NCOR2: variants seen among roughly 807,000 people sequenced by gnomAD.
NCOR2 encodes CTG repeat protein 26.
In NCOR2, 81 loss-of-function variants were observed where a neutral mutation model predicts 262.9. The observed-to-expected ratio is 0.31, with a 90% CI of 0.26 to 0.37. NCOR2 has a LOEUF of 0.37. Ranked by LOEUF, NCOR2 falls within the 10% of genes least tolerant of loss-of-function variation. NCOR2 has a pLI of 1.00. For missense variants in NCOR2, 3,385 were observed against 3,621.4 expected (o/e 0.93, Z 1.68); for synonymous variants, 1,659 against 1,559.3 (o/e 1.06, Z -1.51).
chr12:124,388,419 A>G (rs1279973007), intron 16 of NCOR2, among the ~76,000 whole-genome samples: 2 of 152,040 alleles, frequency 1.3e-5, no homozygotes, highest in Admixed American at 1.3e-4. Flanking sequence ...GCCCCCGTCC[A>G]CTTGGAGAGA....
chr12:124,501,968 A>AAGAC (rs982085831), intron 1 of NCOR2, among the ~76,000 whole-genome samples: 2 of 152,224 alleles, frequency 1.3e-5, no homozygotes, highest in African/African-American at 4.8e-5. Flanking sequence ...ATGTGCGCAC[A>AAGAC]AGACGCTGCG....
intron 6 of NCOR2, among the ~76,000 whole-genome samples, chr12:124,452,185 A>C (rs2045588155): frequency 6.6e-6 from 1 of 152,238 alleles, no homozygotes; most frequent in South Asian, 2.1e-4. Flanking sequence ...GACTCACTGC[A>C]GAACTTCCCA....
intron 13 of NCOR2, among the ~76,000 whole-genome samples, chr12:124,408,311 G>A (rs1276254037): frequency 3.3e-5 from 5 of 151,578 alleles, no homozygotes; most frequent in East Asian, 1.9e-4. Flanking sequence ...CCAAGATCGC[G>A]CCACTGCACT....
upstream of NCOR2, among the ~76,000 whole-genome samples, chr12:124,499,070 T>C (rs1110904): frequency 0.8 from 121,890 of 152,268 alleles, 48,943 homozygotes; most frequent in East Asian, 1. Flanking sequence ...GAGGCGGGTG[T>C]GCAGCACTGC....
intron 1 of NCOR2, among the ~76,000 whole-genome samples, chr12:124,554,774 G>A (rs950835852): frequency 2.0e-5 from 3 of 152,260 alleles, no homozygotes; most frequent in Non-Finnish European, 2.9e-5. Flanking sequence ...CCCAGGTGCC[G>A]GGAGATGCAG....
At chr12:124,529,208 A>C in intron 1 of NCOR2, among the ~76,000 whole-genome samples, 2 of 139,866 alleles carry the variant, frequency 1.4e-5, no homozygotes, top group African/African-American at 2.7e-5. Flanking sequence ...AAAAACACTC[A>C]CTAATCCTAG....
intron 31 of NCOR2, among the ~76,000 whole-genome samples, chr12:124,345,732 C>T (rs2036868664): frequency 6.6e-6 from 1 of 152,204 alleles, no homozygotes; most frequent in Admixed American, 6.5e-5. Flanking sequence ...AAACCCTTCC[C>T]CTGGCAATCA....
intron 13 of NCOR2, among the ~76,000 whole-genome samples, chr12:124,412,852 G>A (rs1486460860): frequency 6.6e-6 from 1 of 152,190 alleles, no homozygotes; most frequent in African/African-American, 2.4e-5. Context: ...CGGTGATTCC[G>A]ACATGCACTC....
intron 3 of NCOR2, among the ~76,000 whole-genome samples, chr12:124,480,686 G>A (rs2047405048): frequency 6.6e-6 from 1 of 152,100 alleles, no homozygotes; most frequent in African/African-American, 2.4e-5. Flanking sequence ...ACACACGTGG[G>A]AGGTGTCGTT....
chr12:124,381,534 T>C (rs1049733169), intron 17 of NCOR2, among the ~76,000 whole-genome samples: 1 of 152,266 alleles, frequency 6.6e-6, no homozygotes, highest in Non-Finnish European at 1.5e-5. Context: ...GAACAGTGTC[T>C]AGCACAGAAC....
At chr12:124,439,784 G>A (rs1054091892) in intron 7 of NCOR2, among the ~76,000 whole-genome samples, 1 of 152,048 alleles carries the variant, frequency 6.6e-6, no homozygotes, top group Non-Finnish European at 1.5e-5. Context: ...TCCAAAGGAA[G>A]GGGACAGAGA....
chr12:124,335,790 G>T, intron 38 of NCOR2, 158 bp from the exon 41 acceptor site: 1 of 782,958 alleles, frequency 1.3e-6, no homozygotes, highest in African/African-American at 1.7e-5. Context: ...AGGCAGAGAG[G>T]GGTGTTGGGG....
At position 124,389,214 on chromosome 12, in the gene NCOR2, C is replaced by A. The variant is rs533404721; in HGVS notation, c.1877-3327G>T. On this transcript the variant is annotated intron_variant, in intron 16 of 46. Coordinates refer to ENST00000405201, the Ensembl canonical transcript of NCOR2. This position sits in a 1 kb window ranked among gnomAD's most constrained non-coding sequence, Gnocchi z 4.4. The stretch of plus-strand genomic sequence containing the variant: ...ATGCCGGCCAGAGCCCACAGACCCC[C>A]GGGCCGGGCAAAATCCAAGGACCCA... 1.3e-5 allele frequency among the ~76,000 whole-genome samples: 2 copies of A among 152,374 alleles called. No individual in the cohort carries two copies. Among genetic ancestry groups the A allele is most frequent in the East Asian group, 3.9e-4 (2 of 5,182 alleles).
chr12:124,378,597 C>A lies in NCOR2; in HGVS notation c.2020-213G>T, dbSNP rs901275546. On this transcript the variant is annotated intron_variant, in intron 17 of 46. Transcript: ENST00000405201. This position sits in a 1 kb window ranked among gnomAD's most constrained non-coding sequence, Gnocchi z 4.2. The stretch of plus-strand genomic sequence containing the variant: ...TTATTCTTCCATTGAGCCCCAGATA[C>A]ACTCTGGGTACAGGCTGGCCCCTCA... Among the ~76,000 whole-genome samples, 1 of 152,228 alleles carries A rather than the reference C, an allele frequency of 6.6e-6. No homozygotes were observed. Among genetic ancestry groups the A allele is most frequent in the Non-Finnish European group, 1.5e-5 (1 of 68,042 alleles).
chr12:124,532,449 C>T (rs1043656251), intron 1 of NCOR2, among the ~76,000 whole-genome samples: 3 of 152,188 alleles, frequency 2.0e-5, no homozygotes, highest in Admixed American at 2.0e-4. Context: ...CCAGACAGGC[C>T]TTGCCTTCGG....
chr12:124,455,988 GC>G (rs1180584909), intron 6 of NCOR2, among the ~76,000 whole-genome samples: 1 of 152,212 alleles, frequency 6.6e-6, no homozygotes, highest in Non-Finnish European at 1.5e-5. Flanking sequence ...CGATCCTCCT[GC>G]CTCAGCCTCC....
chr12:124,435,867 C>T (rs898439795), intron 8 of NCOR2, among the ~76,000 whole-genome samples: 1 of 152,240 alleles, frequency 6.6e-6, no homozygotes, highest in African/African-American at 2.4e-5. Flanking sequence ...AGCTGTGTGA[C>T]CTAGGGCAAG....
chr12:124,500,814 G>A (rs2048659669), intron 1 of NCOR2, among the ~76,000 whole-genome samples: 1 of 152,132 alleles, frequency 6.6e-6, no homozygotes. Context: ...TGGAATTACA[G>A]CCTCAGGGTG....
chr12:124,346,616 G>A (rs749200427), exon 31 of NCOR2: 54 of 1,591,890 alleles, frequency 3.4e-5, no homozygotes, highest in Non-Finnish European at 4.2e-5. Flanking sequence ...CAGCTCGGGC[G>A]TGTGCCGCAG....
Sources: gnomAD v4.1 joint callset for allele counts (sites outside exome capture counted in the v4.1 genomes callset) on GRCh38, gnomAD v4.1.1 for gene constraint, Gnocchi (gnomAD v3.1) non-coding constraint, MANE v1.5 for transcripts, NCBI Gene and HGNC (gene_info 2026-07-23, HGNC 2026-07-21) for gene names.